LRP1B: variants seen among roughly 807,000 people sequenced by gnomAD.
LRP1B encodes the protein low-density lipoprotein receptor-related protein 1B.
LRP1B carries 217 observed loss-of-function variants against 556.6 expected under a neutral mutation model. The observed-to-expected ratio is 0.39, with a 90% confidence interval of 0.35 to 0.44. LRP1B has a LOEUF of 0.44. LRP1B is among the 20% of genes least tolerant of loss of function. LRP1B has a pLI of 1.00. For missense variants in LRP1B, 5,053 were observed against 5,620.8 expected (o/e 0.90, Z 3.23); for synonymous variants, 2,047 against 1,865.8 (o/e 1.10, Z -2.50).
intron 2 of LRP1B, among the ~76,000 whole-genome samples, chr2:141,733,651 A>G (rs749400153): frequency 3.2e-4 from 48 of 152,078 alleles, no homozygotes; most frequent in African/African-American, 1.7e-4. Context: ...AGTTTTATCT[A>G]TTGAGATAAT....
intron 86 of LRP1B, 21 bp from the exon 87 acceptor site, chr2:140,247,183 A>G (rs1479982603): frequency 3.8e-6 from 6 of 1,563,330 alleles, no homozygotes; most frequent in Non-Finnish European, 4.4e-6. Context: ...CCAAACAACA[A>G]ACAAAACAGA....
intron 5 of LRP1B, among the ~76,000 whole-genome samples, chr2:141,234,528 C>T (rs1277211604): frequency 6.6e-6 from 1 of 152,098 alleles, no homozygotes; most frequent in Admixed American, 6.6e-5. Flanking sequence ...ACACTTGCAC[C>T]ACCATGCCCG....
chr2:141,629,463 G>GTCACTTGTA (rs1688827997), intron 2 of LRP1B, among the ~76,000 whole-genome samples: 1 of 152,096 alleles, frequency 6.6e-6, no homozygotes, highest in Non-Finnish European at 1.5e-5. Context: ...TGAGGTAAGG[G>GTCACTTGTA]TCACTTGTAT....
At chr2:142,039,316 A>T (rs1162382369) in intron 1 of LRP1B, among the ~76,000 whole-genome samples, 1 of 151,508 alleles carries the variant, frequency 6.6e-6, no homozygotes, top group Non-Finnish European at 1.5e-5. Flanking sequence ...CGTAAGTGTA[A>T]AATAACTCAT....
chr2:140,989,765 A>G, intron 16 of LRP1B, 108 bp from the exon 17 acceptor site: 1 of 1,035,480 alleles, frequency 9.7e-7, no homozygotes, highest in Non-Finnish European at 1.4e-6. Context: ...TAGTACAATA[A>G]ATGTCATAGA....
chr2:141,521,768 AT>A (rs1684536526), intron 2 of LRP1B, among the ~76,000 whole-genome samples: 2 of 152,228 alleles, frequency 1.3e-5, no homozygotes, highest in South Asian at 4.1e-4. Flanking sequence ...TTTGTTAGAT[AT>A]TTAATTTTAA....
At chr2:140,392,449 A>G (rs181911582) in intron 66 of LRP1B, among the ~76,000 whole-genome samples, 1 of 152,102 alleles carries the variant, frequency 6.6e-6, no homozygotes, top group East Asian at 1.9e-4. Flanking sequence ...TCAATGACCT[A>G]GACTAAATTG....
intron 12 of LRP1B, among the ~76,000 whole-genome samples, chr2:141,017,184 A>C (rs934417298): frequency 7.4e-6 from 1 of 135,448 alleles, no homozygotes; most frequent in African/African-American, 2.8e-5. Context: ...TAGTAACAAA[A>C]AGGATAGTCA....
intron 13 of LRP1B, among the ~76,000 whole-genome samples, 199 bp from the exon 14 acceptor site, chr2:141,013,944 T>C (rs1243882667): frequency 1.3e-5 from 2 of 152,098 alleles, no homozygotes; most frequent in African/African-American, 2.4e-5. Context: ...AAGGAAACCA[T>C]CTATTTTATC....
At position 140,721,536 on chromosome 2, in the gene LRP1B, C is replaced by CTT. The variant is rs10616730; in HGVS notation, c.5759-4722_5759-4721dup. ...TGTGTTGAATTGGATCAAAGATGCA[C>CTT]TTTTTTTTTTTTTTTTTTTTTTTTT... On this transcript the variant is annotated intron_variant, in intron 35 of 90. Coordinates refer to ENST00000389484, the MANE Select transcript of LRP1B (RefSeq NM_018557.3). 1.9e-4 allele frequency among the ~76,000 whole-genome samples: 13 copies of CTT among 69,608 alleles called. 1 individual carries two copies. Among genetic ancestry groups the CTT allele is most frequent in the African/African-American group, 7.7e-4 (13 of 16,978 alleles). 45.7% of individuals were successfully genotyped at this position (69,608 alleles called of 152,430 possible). A position where few individuals can be genotyped will look rare whatever the true frequency, so the allele number is the denominator to read the frequency against.
intron 3 of LRP1B, among the ~76,000 whole-genome samples, chr2:141,348,291 A>G (rs1009814353): frequency 6.6e-6 from 1 of 152,056 alleles, no homozygotes; most frequent in Non-Finnish European, 1.5e-5. Context: ...CTTAGAAGAA[A>G]GTACAAACAG....
At chr2:141,742,856 T>G (rs1693762137) in intron 2 of LRP1B, among the ~76,000 whole-genome samples, 1 of 152,176 alleles carries the variant, frequency 6.6e-6, no homozygotes, top group Non-Finnish European at 1.5e-5. Context: ...TTCTAGTTAT[T>G]TTATTTGCAG....
At position 140,526,253 on chromosome 2, in the gene LRP1B, T is replaced by C. The variant is rs759763959; in HGVS notation, c.7860A>G (p.Ser2620=). The C allele has an allele frequency of 2.5e-6, 4 of 1,611,614 alleles. No individual in the cohort carries two copies. The South Asian group carries it at 3.3e-5, about 13-fold the overall frequency. ...ATATCTTACTGCAGTTCTTTTCATC[T>C]GAAGCATCTGCACAATCTATGTTCT... ...CNQNIDCADA[S]DEKNCNNTDC... Residue 2620 remains serine (S), a synonymous_variant, in exon 48 of 91, where the codon TCA becomes TCG. Coordinates refer to ENST00000389484, the MANE Select transcript of LRP1B (RefSeq NM_018557.3).
At chr2:140,936,339 C>CAAAAAAAAAAA in intron 20 of LRP1B, among the ~76,000 whole-genome samples, 1 of 86,822 alleles carries the variant, frequency 1.2e-5, no homozygotes, top group Non-Finnish European at 2.1e-5. Flanking sequence ...GACTCCGTCT[C>CAAAAAAAAAAA]AAAAAAAAAA....
At chr2:140,734,769 T>C (rs1256220854) in intron 35 of LRP1B, among the ~76,000 whole-genome samples, 2 of 134,434 alleles carry the variant, frequency 1.5e-5, no homozygotes, top group East Asian at 4.1e-4. Flanking sequence ...CGGAGGCCCT[T>C]TCCTGCAACA....
At chr2:141,564,702 C>T (rs1303089137) in intron 2 of LRP1B, among the ~76,000 whole-genome samples, 1 of 151,970 alleles carries the variant, frequency 6.6e-6, no homozygotes, top group Non-Finnish European at 1.5e-5. Flanking sequence ...ATGTGTCAGA[C>T]ACAAAGGACA....
At chr2:140,494,657 T>C (rs1226449792) in intron 56 of LRP1B, among the ~76,000 whole-genome samples, 1 of 151,306 alleles carries the variant, frequency 6.6e-6, no homozygotes, top group Non-Finnish European at 1.5e-5. Flanking sequence ...TCAAATTGAT[T>C]CAGGGAAGGA....
intron 3 of LRP1B, among the ~76,000 whole-genome samples, chr2:141,348,570 T>C (rs1219217503): frequency 6.6e-6 from 1 of 152,044 alleles, no homozygotes. Context: ...TATACGTATA[T>C]ATGCAAATCA....
At chr2:141,090,581 T>C (rs1700150361) in intron 7 of LRP1B, among the ~76,000 whole-genome samples, 1 of 152,332 alleles carries the variant, frequency 6.6e-6, no homozygotes, top group Admixed American at 6.5e-5. Flanking sequence ...CTTATGCAGA[T>C]TTTATAGATT....
Sources: allele counts gnomAD v4.1 joint callset (sites outside exome capture counted in the v4.1 genomes callset), GRCh38; gene constraint gnomAD v4.1.1; transcripts MANE v1.5; gene names NCBI Gene and HGNC (gene_info 2026-07-23, HGNC 2026-07-21).